CSMD3: variants seen among roughly 807,000 people sequenced by gnomAD.
CSMD3 encodes CUB and sushi domain-containing protein 3.
A neutral mutation model predicts 435.2 loss-of-function variants in CSMD3; 177 were observed. That is an observed-to-expected ratio of 0.41 (90% CI 0.36 to 0.46). The LOEUF (loss-of-function observed/expected upper bound fraction) is 0.46. Among genes scored for constraint, CSMD3 ranks in the 20% least tolerant of loss-of-function variants. CSMD3 has a pLI of 0.34. For missense variants in CSMD3, 4,265 were observed against 4,504.6 expected (o/e 0.95, Z 1.52); for synonymous variants, 1,656 against 1,520.5 (o/e 1.09, Z -2.07).
At chr8:113,436,527 G>A (rs2094706949) in intron 1 of CSMD3, 150 bp downstream of exon 1, 1 of 811,646 alleles carries the variant, frequency 1.2e-6, no homozygotes, top group East Asian at 2.4e-5. Flanking sequence ...TTTCCTATCT[G>A]AGGGGGGGAG....
At chr8:113,221,070 G>A (rs1205117640) in intron 3 of CSMD3, among the ~76,000 whole-genome samples, 1 of 151,240 alleles carries the variant, frequency 6.6e-6, no homozygotes, top group Non-Finnish European at 1.5e-5. Flanking sequence ...ATGAAAGGAA[G>A]CTAAAATGTT....
intron 13 of CSMD3, among the ~76,000 whole-genome samples, chr8:112,723,862 A>G (rs1358175660): frequency 6.6e-6 from 1 of 152,078 alleles, no homozygotes; most frequent in Non-Finnish European, 1.5e-5. Context: ...TACTAGGCAC[A>G]CCAATGCAGT....
intron 9 of CSMD3, among the ~76,000 whole-genome samples, chr8:112,938,875 C>G: frequency 6.6e-6 from 1 of 151,998 alleles, no homozygotes; most frequent in East Asian, 1.9e-4. Context: ...CAAGGCCTGT[C>G]TTTATTACTG....
intron 27 of CSMD3, among the ~76,000 whole-genome samples, chr8:112,526,980 TC>T (rs1825037224): frequency 6.6e-6 from 1 of 151,602 alleles, no homozygotes; most frequent in South Asian, 2.1e-4. Flanking sequence ...CTTTCTTTCC[TC>T]CCAAAAGAGG....
intron 4 of CSMD3, among the ~76,000 whole-genome samples, chr8:113,171,324 T>C (rs1216999996): frequency 6.6e-6 from 1 of 152,060 alleles, no homozygotes; most frequent in Non-Finnish European, 1.5e-5. Flanking sequence ...TCTAAGTCCA[T>C]AGTCAATAAG....
intron 31 of CSMD3, among the ~76,000 whole-genome samples, chr8:112,483,595 T>C (rs191535826): frequency 6.6e-6 from 1 of 152,256 alleles, no homozygotes; most frequent in Admixed American, 6.5e-5. Context: ...GAACAGGAAG[T>C]GTCTGTTAGA....
At chr8:112,938,923 T>C (rs562767540) in intron 9 of CSMD3, among the ~76,000 whole-genome samples, 13 of 152,226 alleles carry the variant, frequency 8.5e-5, no homozygotes, top group Admixed American at 4.6e-4. Context: ...GTTTACTCAT[T>C]AGTAAAATAG....
chr8:112,226,730 GAT>G (rs1812595953), intron 70 of CSMD3, among the ~76,000 whole-genome samples: 1 of 152,036 alleles, frequency 6.6e-6, no homozygotes, highest in Non-Finnish European at 1.5e-5. Flanking sequence ...ACCTAATTTA[GAT>G]ATGAACAAAG....
chr8:112,995,337 A>C (rs1451240849), intron 6 of CSMD3, among the ~76,000 whole-genome samples: 1 of 151,498 alleles, frequency 6.6e-6, no homozygotes, highest in Non-Finnish European at 1.5e-5. Context: ...TAGTTTTGGT[A>C]TAATAATGTG....
At chr8:113,247,251 A>C (rs1190933985) in intron 3 of CSMD3, among the ~76,000 whole-genome samples, 1 of 152,184 alleles carries the variant, frequency 6.6e-6, no homozygotes, top group Non-Finnish European at 1.5e-5. Flanking sequence ...GGATCTTCCC[A>C]CTGAGCAGTT....
At chr8:112,580,543 A>AG (rs1200271576) in intron 23 of CSMD3, among the ~76,000 whole-genome samples, 1 of 151,312 alleles carries the variant, frequency 6.6e-6, no homozygotes, top group East Asian at 2.0e-4. Flanking sequence ...GGTAGGAAAA[A>AG]AAAAAAAAAA....
intron 22 of CSMD3, among the ~76,000 whole-genome samples, chr8:112,618,814 A>G (rs962270895): frequency 6.6e-6 from 1 of 152,140 alleles, no homozygotes; most frequent in African/African-American, 2.4e-5. Flanking sequence ...AATATATTAT[A>G]AAATATATTC....
chr8:112,972,974 G>T (rs983761682), intron 7 of CSMD3, among the ~76,000 whole-genome samples: 5 of 151,958 alleles, frequency 3.3e-5, no homozygotes, highest in African/African-American at 1.2e-4. Flanking sequence ...AAGGAACAAG[G>T]ATTAGCTTCT....
chr8:112,307,878 C>A (rs866561225), intron 50 of CSMD3, among the ~76,000 whole-genome samples: 21 of 152,212 alleles, frequency 1.4e-4, no homozygotes, highest in South Asian at 4.1e-4. Context: ...GTACTATTCA[C>A]CCATCTTCCA....
chr8:112,960,965 G>A (rs2084205867), intron 7 of CSMD3, among the ~76,000 whole-genome samples: 1 of 151,586 alleles, frequency 6.6e-6, no homozygotes, highest in African/African-American at 2.4e-5. Flanking sequence ...ATGCTCATTT[G>A]TACATAGCAC....
At chr8:112,447,470 C>T (rs1815735081) in intron 32 of CSMD3, among the ~76,000 whole-genome samples, 1 of 152,042 alleles carries the variant, frequency 6.6e-6, no homozygotes, top group Admixed American at 6.5e-5. Context: ...CACTGTAGTT[C>T]CTGAAACTCA....
At chr8:112,371,844 C>T (rs371249709) in intron 38 of CSMD3, among the ~76,000 whole-genome samples, 40 of 151,708 alleles carry the variant, frequency 2.6e-4, no homozygotes, top group Middle Eastern at 3.4e-3. Context: ...GCTGAGATCA[C>T]GCACCATTGC....
intron 3 of CSMD3, among the ~76,000 whole-genome samples, chr8:113,186,111 TTTGC>T (rs536109948): frequency 9.9e-5 from 15 of 152,038 alleles, no homozygotes; most frequent in Non-Finnish European, 1.6e-4. Flanking sequence ...CTCCGGGATA[TTTGC>T]TTGTCAATTC....
intron 38 of CSMD3, among the ~76,000 whole-genome samples, chr8:112,359,604 A>T (rs182022532): frequency 6.6e-6 from 1 of 152,296 alleles, no homozygotes; most frequent in Non-Finnish European, 1.5e-5. Flanking sequence ...AGAGTAGCTT[A>T]AATCATGCCA....
Sources: allele counts gnomAD v4.1 joint callset (sites outside exome capture counted in the v4.1 genomes callset), GRCh38; gene constraint gnomAD v4.1.1; transcripts MANE v1.5; gene names NCBI Gene and HGNC (gene_info 2026-07-23, HGNC 2026-07-21).